LMO7: variants seen among roughly 807,000 people sequenced by gnomAD.
The protein encoded by LMO7 is LIM domain only protein 7.
A neutral mutation model predicts 206.5 loss-of-function variants in LMO7; 120 were observed. The observed-to-expected ratio is 0.58, with a 90% CI of 0.50 to 0.68. The LOEUF (loss-of-function observed/expected upper bound fraction) is 0.68, where lower values mean the gene tolerates loss of function less well. Ranked by LOEUF, LMO7 falls within the 30% of genes least tolerant of loss-of-function variation. LMO7 has a pLI of 0.00. For synonymous variants in LMO7, 706 were observed against 681.5 expected (o/e 1.04, Z -0.56); for missense variants, 1,959 against 1,957.9 (o/e 1.00, Z -0.01).
At chr13:75,731,584 A>G (rs2045229368) in intron 3 of LMO7, among the ~76,000 whole-genome samples, 3 of 151,904 alleles carry the variant, frequency 2.0e-5, no homozygotes, top group South Asian at 4.2e-4. Flanking sequence ...TCTTTATCCA[A>G]TTTGCCAGTC....
intron 1 of LMO7, among the ~76,000 whole-genome samples, chr13:75,642,221 G>GA (rs1313349016): frequency 6.6e-6 from 1 of 152,102 alleles, no homozygotes; most frequent in East Asian, 1.9e-4. Context: ...CAATCATTCT[G>GA]GATTCTTCCA....
intron 9 of LMO7, chr13:75,807,261 C>T (rs994110275): frequency 6.3e-5 from 34 of 543,906 alleles, no homozygotes; most frequent in Non-Finnish European, 1.0e-4. Context: ...GTATGCTCTG[C>T]TCTTATTTCT....
In LMO7 at chr13:75,760,749, G is replaced by T. The variant is rs568662535; in HGVS notation, c.211-183G>T. 586 of 1,536,362 alleles carry T rather than the reference G, an allele frequency of 3.8e-4. 5 individuals carry two copies. Among genetic ancestry groups the T allele is most frequent in the South Asian group, 3.7e-3 (314 of 84,042 alleles). ...ATAGCACGACTGTGTATGCTCTGGAGGACTGAAAGGCTGTACAAGCCCTAT... is the reference window on the plus strand; with the variant it reads ...ATAGCACGACTGTGTATGCTCTGGATGACTGAAAGGCTGTACAAGCCCTAT... On this transcript the variant is annotated intron_variant, in intron 3 of 30. Coordinates refer to ENST00000377534, the MANE Select transcript of LMO7 (RefSeq NM_001306080.2).
intron 1 of LMO7, among the ~76,000 whole-genome samples, chr13:75,646,575 CTT>C (rs72416416): frequency 0.28 from 39,082 of 139,358 alleles, 5,369 homozygotes; most frequent in Middle Eastern, 0.33. Context: ...GTAGAGAGAA[CTT>C]TTTTTTTTTT....
intron 1 of LMO7, among the ~76,000 whole-genome samples, chr13:75,677,415 A>G (rs1033371179): frequency 1.3e-5 from 2 of 152,174 alleles, no homozygotes; most frequent in African/African-American, 4.8e-5. Flanking sequence ...TCTTCAACAG[A>G]TATTTGAGTA....
At chr13:75,800,239 G>A (rs896276338) in intron 6 of LMO7, among the ~76,000 whole-genome samples, 6 of 152,196 alleles carry the variant, frequency 3.9e-5, no homozygotes, top group South Asian at 4.1e-4. Context: ...TGGAGATAGA[G>A]TGAATATAAT....
intron 2 of LMO7, among the ~76,000 whole-genome samples, chr13:75,721,177 T>C (rs1230429866): frequency 6.6e-6 from 1 of 152,176 alleles, no homozygotes; most frequent in Non-Finnish European, 1.5e-5. Flanking sequence ...AGGAGTGTTG[T>C]TGGTAAGAGC....
At chr13:75,804,169 C>A in intron 7 of LMO7, 120 bp from the exon 8 acceptor site, 1 of 1,000,968 alleles carries the variant, frequency 1.0e-6, no homozygotes, top group East Asian at 2.4e-5. Flanking sequence ...AAAAATATTC[C>A]CTGCAGTTAG....
chr13:75,854,920 G>C, intron 28 of LMO7: 1 of 176,312 alleles, frequency 5.7e-6, no homozygotes, highest in Non-Finnish European at 1.2e-5. Flanking sequence ...GGTTTAACTG[G>C]CAAGAAGATG....
chr13:75,662,127 A>T lies in LMO7; in HGVS notation c.69+25401A>T, dbSNP rs192860104. 1.9e-3 allele frequency among the ~76,000 whole-genome samples: 297 copies of T among 152,328 alleles called. 1 individual carries two copies. Among genetic ancestry groups the T allele is most frequent in the African/African-American group, 6.7e-3 (279 of 41,584 alleles). On this transcript the variant is annotated intron_variant, in intron 1 of 30. Coordinates refer to ENST00000377534, the MANE Select transcript of LMO7 (RefSeq NM_001306080.2). ...GGATCAAGACTTATTTTCTGACAAT[A>T]GAGCTTCTAATTTTGTTCATTATGT...
intron 24 of LMO7, 68 bp from the exon 25 acceptor site, chr13:75,842,782 CT>C: frequency 1.1e-6 from 1 of 936,590 alleles, no homozygotes; most frequent in Non-Finnish European, 1.7e-6. Flanking sequence ...TTTTGATACC[CT>C]TTTCTTAAAC....
intron 2 of LMO7, among the ~76,000 whole-genome samples, chr13:75,624,641 T>C (rs1022917400): frequency 6.6e-6 from 1 of 152,134 alleles, no homozygotes; most frequent in Non-Finnish European, 1.5e-5. Flanking sequence ...GGCCTCACAA[T>C]CATGGTGGAA....
At chr13:75,817,305 G>A (rs2057112590) in intron 12 of LMO7, 27 bp downstream of exon 12, 1 of 1,418,984 alleles carries the variant, frequency 7.0e-7, no homozygotes, top group Non-Finnish European at 9.9e-7. Context: ...TTGGAGGGGA[G>A]AGAGTGTATT....
rs368110742 is a variant in LMO7 at position 75,841,957 on chromosome 13, A to G, written c.4005A>G (p.Thr1335=). ...GCCAGGCAGAGATAGAGCGGGAAACATCAGTCAGAATATACCAGTACAGGA... is the reference window on the plus strand; with the variant it reads ...GCCAGGCAGAGATAGAGCGGGAAACGTCAGTCAGAATATACCAGTACAGGA... ...QKRQAEIERE[T]SVRIYQYRRP... is the part of the protein sequence containing the mutation. The change falls in exon 24 of 31, where the codon ACA becomes ACG. Residue 1335 remains threonine (T), a synonymous_variant. Coordinates refer to ENST00000377534, the MANE Select transcript of LMO7 (RefSeq NM_001306080.2). 4 of 1,611,978 alleles carry G rather than the reference A, an allele frequency of 2.5e-6. No individual in the cohort carries two copies. The highest frequency in any genetic ancestry group is 1.1e-5 in the South Asian group (1 of 90,994).
At chr13:75,827,589 C>T (rs1412379511) in intron 15 of LMO7, among the ~76,000 whole-genome samples, 1 of 152,146 alleles carries the variant, frequency 6.6e-6, no homozygotes, top group Admixed American at 6.5e-5. Context: ...TCTAGGCTGC[C>T]AAGCTCATTC....
intron 2 of LMO7, among the ~76,000 whole-genome samples, chr13:75,720,410 C>A (rs914935897): frequency 2.6e-4 from 39 of 152,126 alleles, no homozygotes; most frequent in African/African-American, 9.2e-4. Flanking sequence ...CATTGTCAAA[C>A]CTAAAGTCTC....
chr13:75,775,147 A>G (rs889884555), intron 4 of LMO7, among the ~76,000 whole-genome samples: 4 of 152,104 alleles, frequency 2.6e-5, no homozygotes, highest in African/African-American at 9.7e-5. Flanking sequence ...AGTTTTGATA[A>G]ACTTTATCTG....
At chr13:75,657,620 T>A (rs1198609347) in intron 1 of LMO7, among the ~76,000 whole-genome samples, 1 of 152,230 alleles carries the variant, frequency 6.6e-6, no homozygotes, top group South Asian at 2.1e-4. Flanking sequence ...AGTGACACAG[T>A]ATTCCTCAAG....
chr13:75,736,229 C>T (rs538891959), intron 3 of LMO7, among the ~76,000 whole-genome samples: 5 of 152,280 alleles, frequency 3.3e-5, no homozygotes, highest in Admixed American at 2.6e-4. Flanking sequence ...GAATATTTTT[C>T]GAATACAGGA....
Sources: allele counts gnomAD v4.1 joint callset (sites outside exome capture counted in the v4.1 genomes callset), GRCh38; gene constraint gnomAD v4.1.1; transcripts MANE v1.5; gene names NCBI Gene and HGNC (gene_info 2026-07-23, HGNC 2026-07-21).